The following KIF3B variants were observed in gnomAD, a reference collection of about 807,000 sequenced individuals.
The protein encoded by KIF3B is kinesin family member 3B.
Under a neutral mutation model 74.3 loss-of-function variants are expected in KIF3B, and 38 were observed. The ratio of observed to expected loss-of-function variants is 0.51; its 90% CI spans 0.39 to 0.67. The LOEUF is 0.67. KIF3B is among the 30% of genes least tolerant of loss of function. The pLI is 0.00. For synonymous variants in KIF3B, 326 were observed against 342.5 expected (o/e 0.95, Z 0.53); for missense variants, 649 against 932.0 (o/e 0.70, Z 3.95).
rs759626291 is a variant in KIF3B at position 32,310,399 on chromosome 20, A to G, written c.622A>G (p.Met208Val). Residue 208 changes from methionine (M) to valine (V), a missense_variant, in exon 2 of 9, where the codon ATG (methionine) becomes GTG (valine). Transcript: ENST00000375712. This position sits in a 1 kb window ranked among gnomAD's most constrained non-coding sequence, Gnocchi z 6.5. Reference protein sequence around the residue: ...NQNRSVGATNMNEHSSRSHAI... With the variant: ...NQNRSVGATNVNEHSSRSHAI... ...GAACCGTTCTGTCGGTGCTACCAAC[A>G]TGAACGAGCACAGCTCGCGTTCTCA... The G allele has an allele frequency of 2.5e-6, 4 of 1,614,092 alleles. No homozygotes were observed. The highest frequency in any genetic ancestry group is 2.7e-5 in the African/African-American group (2 of 74,932).
chr20:32,280,992 C>G (rs983301943), intron 1 of KIF3B, among the ~76,000 whole-genome samples: 13 of 152,118 alleles, frequency 8.5e-5, no homozygotes, highest in Non-Finnish European at 2.9e-5. Flanking sequence ...TGTTGTGTCC[C>G]TAGACTTCTG....
intron 1 of KIF3B, among the ~76,000 whole-genome samples, chr20:32,279,351 A>G (rs572302431): frequency 3.3e-5 from 5 of 152,218 alleles, no homozygotes; most frequent in African/African-American, 1.2e-4. Flanking sequence ...CCACAGGGGT[A>G]TTCTTTTGTT....
At chr20:32,307,072 G>A (rs1334052543) in intron 1 of KIF3B, among the ~76,000 whole-genome samples, 2 of 151,952 alleles carry the variant, frequency 1.3e-5, no homozygotes, top group African/African-American at 2.4e-5. Context: ...TTTATTTTTA[G>A]AGCAGTTTCA....
intron 1 of KIF3B, among the ~76,000 whole-genome samples, chr20:32,306,581 C>CTTTTT (rs935086574): frequency 6.0e-5 from 5 of 82,844 alleles, no homozygotes; most frequent in Non-Finnish European, 6.6e-5. Flanking sequence ...AGTTTTTCCT[C>CTTTTT]TTTTTTTTTT....
intron 1 of KIF3B, among the ~76,000 whole-genome samples, chr20:32,287,555 A>G (rs750629614): frequency 6.6e-6 from 1 of 152,034 alleles, no homozygotes; most frequent in Non-Finnish European, 1.5e-5. Flanking sequence ...TCCTGGCCTC[A>G]AGCAATGCTC....
At chr20:32,304,856 A>G (rs1015277884) in intron 1 of KIF3B, among the ~76,000 whole-genome samples, 14 of 151,906 alleles carry the variant, frequency 9.2e-5, no homozygotes, top group African/African-American at 3.1e-4. Flanking sequence ...GATAAAAAAA[A>G]ACAGCCAGGC....
rs1184075803 is a variant in KIF3B at position 32,322,836 on chromosome 20, TTATATATTTA to T, written c.1749-3918_1749-3909del. On this transcript the variant is annotated intron_variant, in intron 5 of 8. Transcript: ENST00000375712. ...TTTATATATATTTATATGTATATTT[TTATATATTTA>T]TATATATTTATATATACATATTCAT... 5.4e-4 allele frequency among the ~76,000 whole-genome samples: 34 copies of T among 63,058 alleles called. 1 individual carries two copies. The Middle Eastern group carries it at 0.029, about 55-fold the overall frequency. The allele number at this position is 63,058 out of a possible 152,430, so 41.4% of individuals were successfully genotyped here. A position where few individuals can be genotyped will look rare whatever the true frequency, so the allele number is the denominator to read the frequency against.
intron 1 of KIF3B, among the ~76,000 whole-genome samples, chr20:32,306,420 A>G (rs188609100): frequency 6.6e-6 from 1 of 152,184 alleles, no homozygotes; most frequent in East Asian, 1.9e-4. Flanking sequence ...TATTGATTGA[A>G]TGAGTGCTTT....
intron 2 of KIF3B, among the ~76,000 whole-genome samples, chr20:32,313,932 T>C (rs1480465543): frequency 6.6e-6 from 1 of 152,266 alleles, no homozygotes; most frequent in East Asian, 1.9e-4. Flanking sequence ...GGTCTTGAAC[T>C]CCTAGACTCA....
At chr20:32,305,511 A>T (rs1284203130) in intron 1 of KIF3B, among the ~76,000 whole-genome samples, 1 of 149,704 alleles carries the variant, frequency 6.7e-6, no homozygotes, top group Non-Finnish European at 1.5e-5. Context: ...GTTTTCCAGC[A>T]CCAAATGAAA....
At chr20:32,302,802 C>T (rs1049296349) in intron 1 of KIF3B, among the ~76,000 whole-genome samples, 8 of 152,070 alleles carry the variant, frequency 5.3e-5, no homozygotes, top group East Asian at 1.9e-4. Flanking sequence ...AGAGACAGGC[C>T]GTAGCTCATG....
chr20:32,300,423 G>A (rs528309856), intron 1 of KIF3B, among the ~76,000 whole-genome samples: 8 of 151,942 alleles, frequency 5.3e-5, no homozygotes, highest in Non-Finnish European at 7.4e-5. Flanking sequence ...GACTGCAGTC[G>A]TCCACCACCA....
intron 6 of KIF3B, 102 bp from the exon 7 acceptor site, chr20:32,327,454 C>T (rs2047909419): frequency 1.2e-6 from 1 of 849,020 alleles, no homozygotes; most frequent in African/African-American, 1.7e-5. Flanking sequence ...TTACGTCAGC[C>T]TGCAGTCCAG....
intron 1 of KIF3B, among the ~76,000 whole-genome samples, chr20:32,290,876 C>CAAAAAAAAAAAAGAAAA (rs2047688057): frequency 1.0e-5 from 1 of 99,996 alleles, no homozygotes; most frequent in Non-Finnish European, 2.2e-5. Flanking sequence ...GACTGTGTCT[C>CAAAAAAAAAAAAGAAAA]AAAAAAAAAA....
chr20:32,329,544 G>A (rs1051241379), intron 7 of KIF3B, among the ~76,000 whole-genome samples: 4 of 152,026 alleles, frequency 2.6e-5, no homozygotes, highest in Non-Finnish European at 5.9e-5. Flanking sequence ...GCACTTGACT[G>A]CTTTCTCTAA....
At chr20:32,305,638 A>G (rs62208770) in intron 1 of KIF3B, among the ~76,000 whole-genome samples, 4,531 of 137,408 alleles carry the variant, frequency 0.033, 169 homozygotes, top group Admixed American at 0.1. Flanking sequence ...ACTGGAGTGC[A>G]ATGGCACAAT....
rs200570783 is a variant in KIF3B, at chr20:32,325,653, C to CTTTT, written c.1749-1117_1749-1116insTTTT. On this transcript the variant is annotated intron_variant, in intron 5 of 8. Transcript: ENST00000375712. ...TTTTCATTATTATCTCTCTCTCTCT[C>CTTTT]TCTTTTTTTTTTTTTTTTTTTTTTT... is the stretch of plus-strand genomic sequence containing the variant. Among the ~76,000 whole-genome samples the CTTTT allele has an allele frequency of 8.1e-3, 731 of 89,930 alleles. 41 individuals are homozygous for CTTTT. Among genetic ancestry groups the CTTTT allele is most frequent in the East Asian group, 0.018 (27 of 1,532 alleles). 59.0% of individuals were successfully genotyped at this position (89,930 alleles called of 152,430 possible). A position where few individuals can be genotyped will look rare whatever the true frequency, so the allele number is the denominator to read the frequency against.
chr20:32,285,968 G>C (rs746457627), intron 1 of KIF3B, among the ~76,000 whole-genome samples: 1 of 152,176 alleles, frequency 6.6e-6, no homozygotes, highest in Non-Finnish European at 1.5e-5. Context: ...CGGACATTGA[G>C]CTCTTCACAC....
At chr20:32,280,837 G>C (rs1208670181) in intron 1 of KIF3B, among the ~76,000 whole-genome samples, 3 of 152,024 alleles carry the variant, frequency 2.0e-5, no homozygotes, top group Admixed American at 1.3e-4. Context: ...TAGGCACATG[G>C]AGGATGTGGA....
Sources: allele counts gnomAD v4.1 joint callset (sites outside exome capture counted in the v4.1 genomes callset), GRCh38; gene constraint gnomAD v4.1.1; non-coding constraint Gnocchi (gnomAD v3.1); transcripts MANE v1.5; gene names NCBI Gene and HGNC (gene_info 2026-07-23, HGNC 2026-07-21).